The following SH3GL2 variants were observed in gnomAD, a reference collection of about 807,000 sequenced individuals.
SH3GL2 encodes SH3 domain containing GRB2 like 2, endophilin A1, also known as endophilin-A1.
SH3GL2 carries 24 observed loss-of-function variants against 46.0 expected under a neutral mutation model. The ratio of observed to expected loss-of-function variants is 0.52; its 90% CI spans 0.38 to 0.73. SH3GL2 has a LOEUF of 0.73. Ranked by LOEUF, SH3GL2 falls within the 30% of genes least tolerant of loss-of-function variation. The pLI is 0.00. For synonymous variants in SH3GL2, 196 were observed against 147.1 expected (o/e 1.33, Z -2.40); for missense variants, 413 against 424.2 (o/e 0.97, Z 0.23).
chr9:17,789,850 C>T (rs7858932), intron 6 of SH3GL2: 646,472 of 778,420 alleles, frequency 0.83, 269,530 homozygotes, highest in East Asian at 0.9. Flanking sequence ...TATCGAATAA[C>T]GCATTAAAAG....
intron 1 of SH3GL2, among the ~76,000 whole-genome samples, chr9:17,631,229 A>G (rs1427726177): frequency 6.6e-6 from 1 of 152,194 alleles, no homozygotes; most frequent in East Asian, 1.9e-4. Context: ...GGCTTCAAGG[A>G]AACATTGTTC....
At chr9:17,646,309 G>A (rs1378387971) in intron 1 of SH3GL2, among the ~76,000 whole-genome samples, 1 of 151,928 alleles carries the variant, frequency 6.6e-6, no homozygotes, top group Non-Finnish European at 1.5e-5. Flanking sequence ...TCCTTGCATT[G>A]GGTTAGGACA....
At chr9:17,747,592 C>A (rs1359772891) in intron 2 of SH3GL2, among the ~76,000 whole-genome samples, 1 of 152,318 alleles carries the variant, frequency 6.6e-6, no homozygotes, top group East Asian at 1.9e-4. Flanking sequence ...GCTTGTCCAA[C>A]CTTGGCCCAA....
chr9:17,610,806 A>G (rs1464838987), intron 1 of SH3GL2, among the ~76,000 whole-genome samples: 2 of 152,198 alleles, frequency 1.3e-5, no homozygotes, highest in African/African-American at 4.8e-5. Context: ...TGATTAAAAA[A>G]TAGGGCAGTG....
chr9:17,789,421 C>T lies in SH3GL2; in HGVS notation c.495C>T (p.Arg165=), dbSNP rs761431779. ...ATCTAAAGAAGTTGGAGGGTCGACG[C>T]CTGGATTTTGATTATAAGAAGAAAC... is the stretch of plus-strand genomic sequence containing the variant. ...QHHLKKLEGR[R]LDFDYKKKRQ... Residue 165 remains arginine (R), a synonymous_variant, in exon 6 of 9, where the codon CGC becomes CGT. Transcript: ENST00000380607. 29 of 1,613,268 alleles carry T rather than the reference C, an allele frequency of 1.8e-5. No homozygotes were observed. Among genetic ancestry groups the T allele is most frequent in the Admixed American group, 5.0e-5 (3 of 59,926 alleles).
intron 1 of SH3GL2, among the ~76,000 whole-genome samples, chr9:17,731,230 A>G (rs10963226): frequency 0.012 from 1,901 of 152,172 alleles, 55 homozygotes; most frequent in African/African-American, 0.043. Flanking sequence ...TCTCCCTGCT[A>G]TGGACTGAAT....
intron 1 of SH3GL2, among the ~76,000 whole-genome samples, chr9:17,594,832 G>C (rs1275230460): frequency 2.6e-5 from 4 of 152,026 alleles, no homozygotes; most frequent in Non-Finnish European, 5.9e-5. Flanking sequence ...GATAATTGTT[G>C]AATGAATACA....
Position 17,579,303 on chromosome 9 carries a change from G to C in SH3GL2, c.45+16G>C. The C allele has an allele frequency of 6.4e-7, 1 of 1,551,136 alleles. No individual in the cohort carries two copies. On this transcript the variant is annotated intron_variant, in intron 1 of 8. Transcript: ENST00000380607. The stretch of plus-strand genomic sequence containing the variant: ...AGCCACTCAGGTAAGGCGCGCGGCA[G>C]GTGCGTCCCGGGGCAGTCCGGGGCG...
chr9:17,611,470 C>T (rs1311344968), intron 1 of SH3GL2, among the ~76,000 whole-genome samples: 2 of 152,122 alleles, frequency 1.3e-5, no homozygotes, highest in African/African-American at 4.8e-5. Flanking sequence ...GCTTCAGTTC[C>T]TTCTGGCTAC....
At position 17,580,107 on chromosome 9, in the gene SH3GL2, CAA is replaced by C. The variant is rs567399381; in HGVS notation, c.45+822_45+823del. ...TTCTAATAATTAAAATCATTGGACT[CAA>C]AGAATTTTACATAGGGGCAAGTAAG... is the stretch of plus-strand genomic sequence containing the variant. On this transcript the variant is annotated intron_variant, in intron 1 of 8. Coordinates refer to ENST00000380607, the MANE Select transcript of SH3GL2 (RefSeq NM_003026.5). Among the ~76,000 whole-genome samples, 25 of 152,236 alleles carry C rather than the reference CAA, an allele frequency of 1.6e-4. No homozygotes were observed. In the East Asian group the frequency reaches 4.6e-3, roughly 28 times the overall value.
At chr9:17,674,181 C>T (rs1820546098) in intron 1 of SH3GL2, among the ~76,000 whole-genome samples, 1 of 152,102 alleles carries the variant, frequency 6.6e-6, no homozygotes, top group African/African-American at 2.4e-5. Flanking sequence ...CTTGGGTATC[C>T]ATTGCTGACT....
chr9:17,638,334 G>A (rs974987840), intron 1 of SH3GL2, among the ~76,000 whole-genome samples: 1 of 152,138 alleles, frequency 6.6e-6, no homozygotes, highest in African/African-American at 2.4e-5. Context: ...TTGGGTTCCT[G>A]CTGTATTCCA....
intron 3 of SH3GL2, among the ~76,000 whole-genome samples, chr9:17,770,119 G>A (rs755637172): frequency 6.6e-6 from 1 of 152,158 alleles, no homozygotes; most frequent in Non-Finnish European, 1.5e-5. Context: ...GCTGTTCTCT[G>A]TGTAATATCT....
chr9:17,697,395 T>A (rs1216770791), intron 1 of SH3GL2, among the ~76,000 whole-genome samples: 1 of 147,856 alleles, frequency 6.8e-6, no homozygotes. Context: ...GGCTAATTTT[T>A]GTATTTTTAG....
chr9:17,647,295 T>A (rs1819841689), intron 1 of SH3GL2, among the ~76,000 whole-genome samples: 2 of 152,218 alleles, frequency 1.3e-5, no homozygotes. Context: ...AAGACTAAAA[T>A]GAATAATAGC....
intron 1 of SH3GL2, among the ~76,000 whole-genome samples, chr9:17,685,245 C>T (rs1820872955): frequency 6.6e-6 from 1 of 151,980 alleles, no homozygotes; most frequent in Non-Finnish European, 1.5e-5. Flanking sequence ...ATTCATAGGA[C>T]ATGTTTGCAT....
At chr9:17,713,060 C>T (rs1366541943) in intron 1 of SH3GL2, among the ~76,000 whole-genome samples, 1 of 150,576 alleles carries the variant, frequency 6.6e-6, no homozygotes, top group Non-Finnish European at 1.5e-5. Flanking sequence ...CCTTTCCCTT[C>T]TTAGTGTGCT....
intron 3 of SH3GL2, among the ~76,000 whole-genome samples, chr9:17,781,485 A>G (rs1823807503): frequency 6.6e-6 from 1 of 151,412 alleles, no homozygotes; most frequent in Non-Finnish European, 1.5e-5. Context: ...CTTGAGTTTA[A>G]TTAGATCCCA....
In SH3GL2 at chr9:17,780,637, G is replaced by A. The variant is rs374103477; in HGVS notation, c.188-5744G>A. 3.7e-5 allele frequency among the ~76,000 whole-genome samples: 4 copies of A among 109,146 alleles called. No individual in the cohort carries two copies. In the South Asian group the frequency reaches 1.4e-3, roughly 39 times the overall value. The allele number at this position is 109,146 out of a possible 152,430, so 71.6% of individuals were successfully genotyped here. ...CAATGCTATCCCTCCCCCCTCCCCC[G>A]ACCCCACCATAGTCCCCAGAGTGTG... On this transcript the variant is annotated intron_variant, in intron 3 of 8. Coordinates refer to ENST00000380607, the MANE Select transcript of SH3GL2 (RefSeq NM_003026.5).
Sources: allele counts gnomAD v4.1 joint callset (sites outside exome capture counted in the v4.1 genomes callset), GRCh38; gene constraint gnomAD v4.1.1; transcripts MANE v1.5; gene names NCBI Gene and HGNC (gene_info 2026-07-23, HGNC 2026-07-21).